Variants in DIAPH2 observed in about 807,000 individuals in gnomAD.
DIAPH2 encodes the protein diaphanous related formin 2, also known as protein diaphanous homolog 2.
Under a neutral mutation model 92.7 loss-of-function variants are expected in DIAPH2, and 35 were observed. That is an observed-to-expected ratio of 0.38 (90% CI 0.29 to 0.50). The LOEUF (loss-of-function observed/expected upper bound fraction) is 0.50. DIAPH2 is among the 20% of genes least tolerant of loss of function. DIAPH2 has a pLI of 0.94. For missense variants in DIAPH2, 701 were observed against 819.5 expected (o/e 0.86, Z 1.77); for synonymous variants, 301 against 280.4 (o/e 1.07, Z -0.73).
Position 96,881,476 on chromosome X carries a change from C to G in DIAPH2, c.448-103C>G, listed in dbSNP as rs1489275569. On this transcript the variant is annotated intron_variant, in intron 4 of 26. Coordinates refer to ENST00000324765, the MANE Select transcript of DIAPH2 (RefSeq NM_006729.5). The stretch of plus-strand genomic sequence containing the variant: ...ATCAAGAATTTTTAAGTGTGTAGCA[C>G]TCTGCACACATTTTTATATAACAAA... 5 of 694,066 alleles carry G rather than the reference C, an allele frequency of 7.2e-6. No individual in the cohort carries two copies. The Admixed American group carries it at 1.2e-4, about 17-fold the overall frequency. 57.2% of individuals were successfully genotyped at this position (694,066 alleles called of 1,213,427 possible). A position where few individuals can be genotyped will look rare whatever the true frequency, so the allele number is the denominator to read the frequency against.
intron 17 of DIAPH2, among the ~76,000 whole-genome samples, chrX:97,017,437 G>A (rs1471618425): frequency 2.7e-5 from 3 of 111,744 alleles, no homozygotes; most frequent in Non-Finnish European, 5.6e-5. Flanking sequence ...ATTCACATAT[G>A]CATTGAATGG....
At chrX:97,125,722 T>A (rs909554655) in intron 21 of DIAPH2, among the ~76,000 whole-genome samples, 1 of 111,123 alleles carries the variant, frequency 9.0e-6, no homozygotes, top group Non-Finnish European at 1.9e-5. Context: ...TTTAAAAAAA[T>A]TATCCTTATA....
intron 26 of DIAPH2, among the ~76,000 whole-genome samples, chrX:97,587,048 T>C (rs771884347): frequency 1.2e-4 from 13 of 112,511 alleles, no homozygotes; most frequent in African/African-American, 3.2e-4. Context: ...CTTGAAAGAC[T>C]GGCTCATTTA....
intron 26 of DIAPH2, among the ~76,000 whole-genome samples, chrX:97,570,757 G>A (rs764777772): frequency 2.1e-4 from 23 of 111,298 alleles, no homozygotes; most frequent in Middle Eastern, 9.4e-3. Context: ...AAAACCCTTA[G>A]ATTTGGCCTA....
intron 24 of DIAPH2, among the ~76,000 whole-genome samples, chrX:97,368,899 CTTTTTTTTTT>C (rs386417287): frequency 1.9e-5 from 1 of 52,058 alleles, no homozygotes; most frequent in East Asian, 7.7e-4. Context: ...TCTACCCTTT[CTTTTTTTTTT>C]TTTTTTTTTT....
At chrX:96,848,019 T>C (rs922634457) in intron 4 of DIAPH2, among the ~76,000 whole-genome samples, 29 of 111,567 alleles carry the variant, frequency 2.6e-4, no homozygotes, top group Admixed American at 2.3e-3. Context: ...AATTCATTTT[T>C]ATTTTTATCT....
intron 20 of DIAPH2, among the ~76,000 whole-genome samples, chrX:97,112,013 C>A: frequency 8.9e-6 from 1 of 112,126 alleles, no homozygotes; most frequent in Non-Finnish European, 1.9e-5. Flanking sequence ...AGCATTGTTA[C>A]CATCATTATC....
intron 25 of DIAPH2, among the ~76,000 whole-genome samples, chrX:97,418,319 A>C (rs1201274821): frequency 8.9e-6 from 1 of 112,196 alleles, no homozygotes; most frequent in East Asian, 2.8e-4. Flanking sequence ...TGACTTGTCA[A>C]CTCATTCCCT....
At chrX:97,180,586 A>G (rs943844051) in intron 22 of DIAPH2, among the ~76,000 whole-genome samples, 4 of 111,730 alleles carry the variant, frequency 3.6e-5, no homozygotes, top group African/African-American at 9.8e-5. Context: ...GCCCATGCCT[A>G]TGTCCTGAAT....
At chrX:97,573,753 T>C (rs1602676489) in intron 26 of DIAPH2, among the ~76,000 whole-genome samples, 1 of 107,396 alleles carries the variant, frequency 9.3e-6, no homozygotes, top group African/African-American at 3.4e-5. Flanking sequence ...CTCTGCCTCC[T>C]GGGTTCAAGC....
At chrX:97,151,681 C>T (rs2067287116) in intron 22 of DIAPH2, among the ~76,000 whole-genome samples, 1 of 111,374 alleles carries the variant, frequency 9.0e-6, no homozygotes, top group Admixed American at 9.6e-5. Flanking sequence ...AAATATTCAC[C>T]AATAACCTGT....
In DIAPH2 at chrX:96,859,973, T is replaced by C. The variant is rs182236603; in HGVS notation, c.448-21606T>C. 1.4e-3 allele frequency among the ~76,000 whole-genome samples: 152 copies of C among 112,054 alleles called. 1 individual carries two copies. Among genetic ancestry groups the C allele is most frequent in the African/African-American group, 4.7e-3 (146 of 30,855 alleles). ...TGTTTTTGCATATGTATATTATAAA[T>C]ATGAACTATGTTTTCTGTAAGGATA... On this transcript the variant is annotated intron_variant, in intron 4 of 26. Coordinates refer to ENST00000324765, the MANE Select transcript of DIAPH2 (RefSeq NM_006729.5).
intron 4 of DIAPH2, among the ~76,000 whole-genome samples, chrX:96,856,943 GC>G (rs1430598061): frequency 1.8e-5 from 2 of 110,158 alleles, no homozygotes; most frequent in Non-Finnish European, 3.8e-5. Flanking sequence ...GGAGGCTGAG[GC>G]AAGAGAATCG....
chrX:97,123,112 G>A (rs1342326407), intron 21 of DIAPH2, among the ~76,000 whole-genome samples: 1 of 111,747 alleles, frequency 8.9e-6, no homozygotes, highest in African/African-American at 3.3e-5. Flanking sequence ...ACCATGGAAT[G>A]ACACAAGAAC....
chrX:97,588,556 A>AT (rs759272919), intron 26 of DIAPH2, among the ~76,000 whole-genome samples: 1 of 108,938 alleles, frequency 9.2e-6, no homozygotes, highest in South Asian at 4.0e-4. Flanking sequence ...TTTTTTCTGG[A>AT]TTTTTACCCA....
intron 23 of DIAPH2, among the ~76,000 whole-genome samples, chrX:97,302,959 A>G (rs1174612725): frequency 8.9e-6 from 1 of 112,362 alleles, no homozygotes; most frequent in Non-Finnish European, 1.9e-5. Flanking sequence ...ACTCCAGCCT[A>G]GGGGATAGAG....
chrX:96,877,308 A>G (rs2065186932), intron 4 of DIAPH2, among the ~76,000 whole-genome samples: 1 of 112,213 alleles, frequency 8.9e-6, no homozygotes, highest in African/African-American at 3.2e-5. Context: ...GTTAATCTAT[A>G]GCATTATATT....
chrX:96,875,141 C>T (rs2065169866), intron 4 of DIAPH2, among the ~76,000 whole-genome samples: 1 of 112,313 alleles, frequency 8.9e-6, no homozygotes, highest in Admixed American at 9.5e-5. Context: ...AAATAAATAA[C>T]ATGTTTCAAC....
chrX:96,751,947 C>A lies in DIAPH2; in HGVS notation c.343-6207C>A, dbSNP rs1456071115. On this transcript the variant is annotated intron_variant, in intron 3 of 26. Coordinates refer to ENST00000324765, the MANE Select transcript of DIAPH2 (RefSeq NM_006729.5). The stretch of plus-strand genomic sequence containing the variant: ...GTATTACAGGCGTGAGCCACCGCGC[C>A]CGGCCGACTTCAGTGTTTTTTAAAA... Among the ~76,000 whole-genome samples the A allele has an allele frequency of 3.6e-5, 4 of 110,283 alleles. No individual in the cohort carries two copies. The East Asian group carries it at 8.6e-4, about 24-fold the overall frequency.
Sources: allele counts gnomAD v4.1 joint callset (sites outside exome capture counted in the v4.1 genomes callset), GRCh38; gene constraint gnomAD v4.1.1; transcripts MANE v1.5; gene names NCBI Gene and HGNC (gene_info 2026-07-23, HGNC 2026-07-21).